Variants in TMEM67 observed in about 807,000 individuals in gnomAD.
TMEM67 encodes the protein transmembrane protein 67.
A neutral mutation model predicts 136.6 loss-of-function variants in TMEM67; 124 were observed. That is an observed-to-expected ratio of 0.91 (90% CI 0.78 to 1.05). TMEM67 has a LOEUF of 1.05. Ranked by LOEUF, TMEM67 falls within the 50% of genes least tolerant of loss-of-function variation. TMEM67 has a pLI of 0.00. For missense variants in TMEM67, 1,107 were observed against 1,178.4 expected, an observed-to-expected ratio of 0.94 and a Z score of 0.89; for synonymous variants, 364 against 390.5, an observed-to-expected ratio of 0.93 and a Z score of 0.80.
At chr8:93,812,598 GT>G (rs1277172161) in intron 26 of TMEM67, among the ~76,000 whole-genome samples, 2 of 152,166 alleles carry the variant, frequency 1.3e-5, no homozygotes, top group Non-Finnish European at 2.9e-5. Flanking sequence ...CTTGCCTAGC[GT>G]TTCTGAACTT....
intron 26 of TMEM67, chr8:93,810,121 A>T: frequency 2.8e-6 from 1 of 362,758 alleles, no homozygotes; most frequent in Non-Finnish European, 5.0e-6. Flanking sequence ...GGCGCCCGCC[A>T]TCACGCCCAG....
chr8:93,808,757 C>A, intron 23 of TMEM67, 83 bp from the exon 24 acceptor site: 1 of 836,844 alleles, frequency 1.2e-6, no homozygotes, highest in Non-Finnish European at 2.1e-6. Flanking sequence ...GTGATAACAG[C>A]TAAAAAAAAG....
Position 93,781,700 on chromosome 8 carries a change from G to A in TMEM67, c.1021G>A (p.Gly341Arg). The change falls in exon 10 of 28, where the codon GGA becomes AGA. Residue 341 changes from glycine to arginine, a missense_variant. This residue lies in a region of TMEM67 where 925 missense variants were observed against 1,002.4 expected (regional missense o/e 0.92). Coordinates refer to ENST00000453321, the MANE Select transcript of TMEM67 (RefSeq NM_153704.6). ...TGTTGCTGCTTCCTATGATATAAGA[G>A]GAAATTTTCTCAAGTGGCAAACTTT... ...KFVAASYDIR[G>R]NFLKWQTLEG... is the part of the protein sequence containing the mutation. 3 of 1,610,552 alleles carry A rather than the reference G, an allele frequency of 1.9e-6. No homozygotes were observed. The South Asian group carries it at 3.3e-5, about 18-fold the overall frequency.
chr8:93,771,081 A>G (rs1813311269), intron 6 of TMEM67, among the ~76,000 whole-genome samples: 1 of 152,114 alleles, frequency 6.6e-6, no homozygotes, highest in Non-Finnish European at 1.5e-5. Context: ...TTGTAAAGGT[A>G]CTGTGATTAA....
chr8:93,808,615 A>G lies in TMEM67; in HGVS notation c.2440-225A>G, dbSNP rs1007028071. Reference sequence around the variant, plus strand: ...TTAAGTAGAGCAAAGGAGATGATATAAAGACCTGCAAGGGAGTATGAATTA... The same window carrying G: ...TTAAGTAGAGCAAAGGAGATGATATGAAGACCTGCAAGGGAGTATGAATTA... On this transcript the variant is annotated intron_variant, in intron 23 of 27. Coordinates refer to ENST00000453321, the MANE Select transcript of TMEM67 (RefSeq NM_153704.6). Among the ~76,000 whole-genome samples, 7 of 137,886 alleles carry G rather than the reference A, an allele frequency of 5.1e-5. 1 individual carries two copies. The South Asian group carries it at 6.9e-4, about 14-fold the overall frequency. 90.5% of individuals were successfully genotyped at this position (137,886 alleles called of 152,430 possible).
At position 93,755,875 on chromosome 8, in the gene TMEM67, A is replaced by T; in HGVS notation, c.312+9A>T. The T allele has an allele frequency of 6.7e-7, 1 of 1,502,588 alleles. No individual in the cohort carries two copies. The allele number at this position is 1,502,588 out of a possible 1,614,324, so 93.1% of individuals were successfully genotyped here. On this transcript the variant is annotated intron_variant, in intron 2 of 27. Transcript: ENST00000453321. Reference sequence around the variant, plus strand: ...AGTGCCCAGAAAACATGGTGCGCATAATTTATTTTAAAATAACTTACCTGT... The same window carrying T: ...AGTGCCCAGAAAACATGGTGCGCATTATTTATTTTAAAATAACTTACCTGT...
intron 26 of TMEM67, among the ~76,000 whole-genome samples, chr8:93,814,375 G>A (rs1162160225): frequency 4.0e-5 from 6 of 149,986 alleles, no homozygotes; most frequent in East Asian, 2.0e-4. Flanking sequence ...GCCTGACCTC[G>A]TGATCTGCCC....
rs1340625137 is a variant in TMEM67 at position 93,782,355 on chromosome 8, A to C, written c.1066-40A>C. 2.6e-6 allele frequency: 4 copies of C among 1,524,648 alleles called. 1 individual carries two copies. In the South Asian group the frequency reaches 3.4e-5, roughly 13 times the overall value. 94.4% of individuals were successfully genotyped at this position (1,524,648 alleles called of 1,614,324 possible). On this transcript the variant is annotated intron_variant, in intron 10 of 27. Coordinates refer to ENST00000453321, the MANE Select transcript of TMEM67 (RefSeq NM_153704.6). ...AGAACTCTTGAGTATAAGAATAGAA[A>C]ACATTTGTGAGATTTATCTGTTGTA... is the stretch of plus-strand genomic sequence containing the variant.
intron 7 of TMEM67, among the ~76,000 whole-genome samples, chr8:93,776,557 A>G (rs537819048): frequency 1.3e-5 from 2 of 152,286 alleles, no homozygotes; most frequent in African/African-American, 2.4e-5. Context: ...AGTTTTTAGC[A>G]TGAAGGGCTG....
At position 93,762,241 on chromosome 8, in the gene TMEM67, C is replaced by T. The variant is rs566665853; in HGVS notation, c.407-1601C>T. ...TGTGCTCCAGCCTGGATGACAAGAG[C>T]GAAACTCTCTCAAAAAATAAAATAA... On this transcript the variant is annotated intron_variant, in intron 3 of 27. Transcript: ENST00000453321. Among the ~76,000 whole-genome samples the T allele has an allele frequency of 1.8e-3, 279 of 151,850 alleles. 1 individual carries two copies. Among genetic ancestry groups the T allele is most frequent in the Non-Finnish European group, 2.7e-3 (183 of 67,980 alleles).
At chr8:93,819,438 G>A (rs1455792660), downstream of TMEM67, among the ~76,000 whole-genome samples, 1 of 152,086 alleles carries the variant, frequency 6.6e-6, no homozygotes, top group Non-Finnish European at 1.5e-5. Context: ...TCTCTGGGAG[G>A]GAGGGTTTTT....
chr8:93,829,783 C>T, the TMEM67 span, among the ~76,000 whole-genome samples: 2 of 152,212 alleles, frequency 1.3e-5, no homozygotes, highest in Non-Finnish European at 1.5e-5. Flanking sequence ...GTTCCTGGCT[C>T]ATAACTCCCA....
rs922122104 is a variant in TMEM67 at position 93,817,482 on chromosome 8, C to T, written c.*1030C>T. Reference sequence around the variant, plus strand: ...GGAGGCTGTAGTGAGCCAGATAGCACCACTGCACTCCAGCCAGGATGACAG... The same window carrying T: ...GGAGGCTGTAGTGAGCCAGATAGCATCACTGCACTCCAGCCAGGATGACAG... On this transcript the variant is annotated 3_prime_UTR_variant, in exon 28 of 28. Coordinates refer to ENST00000453321, the MANE Select transcript of TMEM67 (RefSeq NM_153704.6). 1 of 152,186 alleles carries T rather than the reference C, an allele frequency of 6.6e-6. No homozygotes were observed. The highest frequency in any genetic ancestry group is 2.4e-5 in the African/African-American group (1 of 41,444). The allele number at this position is 152,186 out of a possible 1,614,324, so 9.4% of individuals were successfully genotyped here. A position where few individuals can be genotyped will look rare whatever the true frequency, so the allele number is the denominator to read the frequency against.
rs866734882 is a variant in TMEM67 at position 93,796,078 on chromosome 8, C to T, written c.1860+91C>T. 1.4e-5 allele frequency: 12 copies of T among 886,070 alleles called. No homozygotes were observed. The Admixed American group carries it at 1.4e-4, about 10-fold the overall frequency. The allele number at this position is 886,070 out of a possible 1,614,324, so 54.9% of individuals were successfully genotyped here. ...TTAAAATGCTTTCAAAAATCTTTGGCGTGAAATTCACTTTGGTTTTGAAAG... is the reference window on the plus strand; with the variant it reads ...TTAAAATGCTTTCAAAAATCTTTGGTGTGAAATTCACTTTGGTTTTGAAAG... On this transcript the variant is annotated intron_variant, in intron 18 of 27. Coordinates refer to ENST00000453321, the MANE Select transcript of TMEM67 (RefSeq NM_153704.6).
At chr8:93,804,677 A>G (rs1458051781) in intron 22 of TMEM67, 85 bp from the exon 23 acceptor site, 2 of 741,196 alleles carry the variant, frequency 2.7e-6, no homozygotes, top group East Asian at 2.6e-5. Context: ...ATTTTGGGAA[A>G]AAGAAAGCAA....
At chr8:93,782,243 C>A in intron 10 of TMEM67, 152 bp from the exon 11 acceptor site, 2 of 655,270 alleles carry the variant, frequency 3.1e-6, no homozygotes, top group Non-Finnish European at 5.3e-6. Context: ...TTATGACTTT[C>A]ATTTATAACA....
chr8:93,808,548 A>AGATCTATTATAGATATT (rs1808556745), intron 23 of TMEM67, among the ~76,000 whole-genome samples: 8 of 10,598 alleles, frequency 7.5e-4, no homozygotes, highest in Non-Finnish European at 1.4e-3. Flanking sequence ...TAATCTATAT[A>AGATCTATTATAGATATT]TATCTATAAT....
downstream of TMEM67, chr8:93,819,360 A>G (rs1441724516): frequency 2.8e-6 from 1 of 353,542 alleles, no homozygotes; most frequent in African/African-American, 2.2e-5. Flanking sequence ...ACATAAAAGA[A>G]GACAACACCC....
At chr8:93,809,410 A>C (rs1223949982) in intron 25 of TMEM67, among the ~76,000 whole-genome samples, 1 of 152,210 alleles carries the variant, frequency 6.6e-6, no homozygotes, top group Non-Finnish European at 1.5e-5. Context: ...ATGAAATTTT[A>C]TGTGTCTGTT....
Sources: gnomAD v4.1 joint callset for allele counts (sites outside exome capture counted in the v4.1 genomes callset) on GRCh38, gnomAD v4.1.1 for gene constraint, gnomAD v4.1.1 regional missense constraint, MANE v1.5 for transcripts, NCBI Gene and HGNC (gene_info 2026-07-23, HGNC 2026-07-21) for gene names.